ZBTB41: variants seen among roughly 807,000 people sequenced by gnomAD.
ZBTB41 encodes the protein zinc finger and BTB domain containing 41, also known as zinc finger and BTB domain-containing protein 41.
ZBTB41 carries 42 observed loss-of-function variants against 87.6 expected under a neutral mutation model. The observed-to-expected ratio is 0.48, with a 90% confidence interval of 0.37 to 0.62. ZBTB41 has a LOEUF of 0.62. ZBTB41 is among the 20% of genes least tolerant of loss of function. The probability of loss-of-function intolerance (pLI) is 0.00; values close to 1 mark genes in which losing one functional copy is unlikely to be tolerated. For missense variants in ZBTB41, 799 were observed against 1,078.9 expected (o/e 0.74, Z 3.63); for synonymous variants, 364 against 364.0 (o/e 1.00, Z 0.00).
chr1:197,188,364 T>A lies in ZBTB41; in HGVS notation c.1474A>T (p.Lys492Ter). The change falls in exon 5 of 11, where the codon AAG (lysine) becomes TAG (stop). Residue 492 changes from lysine (K) to a stop codon, truncating the protein, a stop_gained. Coordinates refer to ENST00000367405, the MANE Select transcript of ZBTB41 (RefSeq NM_194314.3). LOFTEE classifies it high-confidence loss of function. ...AAATGTTCTTCACAATAGGTACACT[T>A]AAAAGGTTTATCTTGAGAATGTAGA... ...MILHSQDKPF[K>*]CTYCEEHFKS... 1 of 1,613,846 alleles carries A rather than the reference T, an allele frequency of 6.2e-7. No homozygotes were observed. The highest frequency in any genetic ancestry group is 1.3e-5 in the African/African-American group (1 of 75,042).
intron 9 of ZBTB41, among the ~76,000 whole-genome samples, chr1:197,172,620 G>A (rs930608452): frequency 6.6e-6 from 1 of 152,050 alleles, no homozygotes; most frequent in Non-Finnish European, 1.5e-5. Flanking sequence ...GGGAAATGAA[G>A]AGTTGTCTAG....
At chr1:197,168,831 G>T (rs533507371) in intron 10 of ZBTB41, among the ~76,000 whole-genome samples, 2 of 151,958 alleles carry the variant, frequency 1.3e-5, no homozygotes, top group South Asian at 4.1e-4. Context: ...TAGAGGAGAA[G>T]GTATCTGTAA....
At chr1:197,172,901 T>G (rs1465266688) in intron 9 of ZBTB41, among the ~76,000 whole-genome samples, 1 of 152,080 alleles carries the variant, frequency 6.6e-6, no homozygotes, top group African/African-American at 2.4e-5. Context: ...AAATAAAATT[T>G]TATACCTAAA....
At chr1:197,184,794 C>CTATTTATTTATTTATT (rs71286567) in intron 5 of ZBTB41, among the ~76,000 whole-genome samples, 1,956 of 147,632 alleles carry the variant, frequency 0.013, 23 homozygotes, top group East Asian at 0.035. Flanking sequence ...AAGTTTACAA[C>CTATTTATTTATTTATT]TATTTATTTA....
rs1190357538 is a variant in ZBTB41, at chr1:197,156,417, TA to T, written c.*2941del. 5.9e-5 allele frequency: 9 copies of T among 152,188 alleles called. No individual in the cohort carries two copies. The highest frequency in any genetic ancestry group is 5.9e-5 in the Non-Finnish European group (4 of 67,752). 9.4% of individuals were successfully genotyped at this position (152,188 alleles called of 1,614,324 possible). A position where few individuals can be genotyped will look rare whatever the true frequency, so the allele number is the denominator to read the frequency against. ...AGATTAAGTGCTAACTGCTATCTGC[TA>T]AAAAATTAATTTAAAACAATAAATT... On this transcript the variant is annotated 3_prime_UTR_variant, in exon 11 of 11. Coordinates refer to ENST00000367405, the MANE Select transcript of ZBTB41 (RefSeq NM_194314.3).
Position 197,199,545 on chromosome 1 carries a change from T to A in ZBTB41, c.929A>T (p.Glu310Val), listed in dbSNP as rs1338677888. 6.2e-7 allele frequency: 1 copy of A among 1,608,646 alleles called. No individual in the cohort carries two copies. The highest frequency in any genetic ancestry group is 2.2e-5 in the East Asian group (1 of 44,870). ...AGAGTACTCATCTGACATCTCCTCCTCTAGCTCATCTTCTTCAGCATTATA... is the reference window on the plus strand; with the variant it reads ...AGAGTACTCATCTGACATCTCCTCCACTAGCTCATCTTCTTCAGCATTATA... ...SEYNAEEDELEEEMSDEYSDI... is the reference protein window; with the variant it reads ...SEYNAEEDELVEEMSDEYSDI... The change falls in exon 2 of 11, where the codon GAG (glutamate) becomes GTG (valine). Residue 310 changes from glutamate (E) to valine (V), a missense_variant. Transcript: ENST00000367405.
intron 2 of ZBTB41, among the ~76,000 whole-genome samples, chr1:197,193,861 A>C (rs1242368750): frequency 1.3e-5 from 2 of 152,210 alleles, no homozygotes; most frequent in South Asian, 2.1e-4. Context: ...TATTTAAAAA[A>C]CTGTAAAATC....
At chr1:197,197,137 A>G (rs1481679864) in intron 2 of ZBTB41, among the ~76,000 whole-genome samples, 1 of 151,990 alleles carries the variant, frequency 6.6e-6, no homozygotes, top group African/African-American at 2.4e-5. Context: ...TTTAATCCTC[A>G]TAATAACCTT....
intron 10 of ZBTB41, among the ~76,000 whole-genome samples, chr1:197,166,777 G>GT (rs1273560181): frequency 6.6e-6 from 1 of 152,168 alleles, no homozygotes; most frequent in African/African-American, 2.4e-5. Context: ...AACCCAGGAG[G>GT]TGGAGGTTGC....
At chr1:197,192,380 C>T (rs1487039160) in intron 2 of ZBTB41, among the ~76,000 whole-genome samples, 1 of 152,038 alleles carries the variant, frequency 6.6e-6, no homozygotes, top group African/African-American at 2.4e-5. Context: ...CAAGTAACCT[C>T]TATATGCCTC....
At chr1:197,198,411 T>C (rs1193549289) in intron 2 of ZBTB41, among the ~76,000 whole-genome samples, 2 of 152,256 alleles carry the variant, frequency 1.3e-5, no homozygotes, top group East Asian at 3.9e-4. Flanking sequence ...ATCAATAACA[T>C]AAGTAAGTTA....
intron 2 of ZBTB41, 124 bp downstream of exon 2, chr1:197,199,230 G>A: frequency 1.1e-6 from 1 of 928,694 alleles, no homozygotes; most frequent in Non-Finnish European, 1.5e-6. Context: ...GAAAACCAAG[G>A]TATTCTCCCT....
intron 9 of ZBTB41, among the ~76,000 whole-genome samples, chr1:197,173,315 C>T (rs1281994242): frequency 6.6e-6 from 1 of 152,082 alleles, no homozygotes; most frequent in Non-Finnish European, 1.5e-5. Context: ...AAATGTCCCT[C>T]ATTTTTCAAT....
intron 10 of ZBTB41, among the ~76,000 whole-genome samples, chr1:197,163,515 G>A (rs1262948504): frequency 6.7e-6 from 1 of 150,018 alleles, no homozygotes; most frequent in Non-Finnish European, 1.5e-5. Context: ...AAAGTCTCAG[G>A]AGGAGGAGAG....
In ZBTB41 at chr1:197,159,463, C is replaced by T; in HGVS notation, c.2626G>A (p.Glu876Lys). Residue 876 changes from glutamate (E) to lysine (K), a missense_variant, in exon 11 of 11, where the codon GAA becomes AAA. Physicochemically the swap from Glu to Lys is moderately conservative, Grantham distance 56. Around this residue, in one of 5 missense-constraint regions of ZBTB41, gnomAD observed 171 missense variants for 191.9 expected, o/e 0.89. Transcript: ENST00000367405. ...PANIVHPVRP[E>K]QMLDPREQSY... is the part of the protein sequence containing the mutation. ...TGTTCTCTAGGATCTAGCATTTGTTCAGGTCGAACTGGGTGAACTATATTT... is the reference window on the plus strand; with the variant it reads ...TGTTCTCTAGGATCTAGCATTTGTTTAGGTCGAACTGGGTGAACTATATTT... 4 of 1,613,892 alleles carry T rather than the reference C, an allele frequency of 2.5e-6. No homozygotes were observed. Among genetic ancestry groups the T allele is most frequent in the Non-Finnish European group, 3.4e-6 (4 of 1,179,848 alleles).
intron 9 of ZBTB41, among the ~76,000 whole-genome samples, chr1:197,174,256 G>A (rs888859156): frequency 1.3e-5 from 2 of 152,096 alleles, no homozygotes; most frequent in African/African-American, 4.8e-5. Context: ...AATGCCTATT[G>A]ATTTGGCAAC....
intron 5 of ZBTB41, among the ~76,000 whole-genome samples, chr1:197,183,240 G>C (rs563269567): frequency 1.4e-4 from 21 of 152,250 alleles, no homozygotes; most frequent in African/African-American, 5.1e-4. Flanking sequence ...TACATTCAGA[G>C]AAAGAGAATG....
At chr1:197,200,880 G>A (rs1652753142) in intron 1 of ZBTB41, among the ~76,000 whole-genome samples, 1 of 152,232 alleles carries the variant, frequency 6.6e-6, no homozygotes, top group Non-Finnish European at 1.5e-5. Context: ...CAAGATCGTT[G>A]ACGGTGCGGG....
chr1:197,185,109 C>T (rs965475026), intron 5 of ZBTB41, among the ~76,000 whole-genome samples: 1 of 152,112 alleles, frequency 6.6e-6, no homozygotes. Context: ...TCACCGCACA[C>T]AGCCTAACTT....
Sources: gnomAD v4.1 joint callset for allele counts (sites outside exome capture counted in the v4.1 genomes callset) on GRCh38, gnomAD v4.1.1 for gene constraint, gnomAD v4.1.1 regional missense constraint, MANE v1.5 for transcripts, NCBI Gene and HGNC (gene_info 2026-07-23, HGNC 2026-07-21) for gene names.